Variants in PRSS12 observed in about 807,000 individuals in gnomAD.
PRSS12 encodes serine protease 12, also known as neurotrypsin.
Under a neutral mutation model 104.4 loss-of-function variants are expected in PRSS12, and 85 were observed. The ratio of observed to expected loss-of-function variants is 0.81; its 90% CI spans 0.68 to 0.98. The LOEUF (loss-of-function observed/expected upper bound fraction) is 0.98, where lower values mean the gene tolerates loss of function less well. Among genes scored for constraint, PRSS12 ranks in the 50% least tolerant of loss-of-function variants. PRSS12 has a pLI of 0.00. For missense variants in PRSS12, 1,141 were observed against 1,139.2 expected (o/e 1.00, Z -0.02); for synonymous variants, 454 against 425.2 (o/e 1.07, Z -0.83).
chr4:118,301,774 A>G (rs1204326163), intron 8 of PRSS12, among the ~76,000 whole-genome samples: 4 of 152,170 alleles, frequency 2.6e-5, no homozygotes, highest in Non-Finnish European at 5.9e-5. Flanking sequence ...TCCCACAGGC[A>G]GACGATTGCC....
chr4:118,282,280 A>T (rs751597442), intron 12 of PRSS12, 37 bp from the exon 13 acceptor site: 2 of 1,610,768 alleles, frequency 1.2e-6, no homozygotes, highest in Non-Finnish European at 1.7e-6. Flanking sequence ...GGCATTCCAG[A>T]TAACCATCGC....
Position 118,282,984 on chromosome 4 carries a change from T to A in PRSS12, c.2167A>T (p.Ser723Cys), listed in dbSNP as rs1224137984. 1 of 1,614,076 alleles carries A rather than the reference T, an allele frequency of 6.2e-7. No individual in the cohort carries two copies. The highest frequency in any genetic ancestry group is 8.5e-7 in the Non-Finnish European group (1 of 1,180,038). ...CTAACCAGGGCTATGTCATAATCAC[T>A]GCGGTCGGGTCGATACTCCCGATGA... ...VIHREYRPDR[S>C]DYDIALVRLQ... Residue 723 changes from serine (S) to cysteine (C), a missense_variant, in exon 12 of 13, where the codon AGT becomes TGT. Ser to Cys is a moderately radical substitution (Grantham distance 112, BLOSUM62 -1). Coordinates refer to ENST00000296498, the MANE Select transcript of PRSS12 (RefSeq NM_003619.4).
At chr4:118,316,845 T>TAC in intron 5 of PRSS12, among the ~76,000 whole-genome samples, 2 of 141,046 alleles carry the variant, frequency 1.4e-5, no homozygotes, top group African/African-American at 5.1e-5. Context: ...AAAATATATA[T>TAC]ATATATATAT....
chr4:118,316,837 A>AAAAAATATATATATATATAT (rs35698159), intron 5 of PRSS12, among the ~76,000 whole-genome samples: 125 of 99,130 alleles, frequency 1.3e-3, no homozygotes, highest in African/African-American at 3.7e-3. Flanking sequence ...AAAAAAAAAA[A>AAAAAATATATATATATATAT]ATATATATAT....
In PRSS12 at chr4:118,280,547, CT is replaced by C. The variant is rs1742817110; in HGVS notation, c.*1388del. The C allele has an allele frequency of 2.6e-5, 4 of 152,214 alleles. No individual in the cohort carries two copies. The highest frequency in any genetic ancestry group is 9.7e-5 in the African/African-American group (4 of 41,450). The allele number at this position is 152,214 out of a possible 1,614,324, so 9.4% of individuals were successfully genotyped here. ...TAATTTGATGTAGAAGGGCAAAGTC[CT>C]TTAATGACTGGCATTCAAGAGGATT... is the stretch of plus-strand genomic sequence containing the variant. On this transcript the variant is annotated 3_prime_UTR_variant, in exon 13 of 13. Transcript: ENST00000296498.
At chr4:118,336,352 A>G (rs1212882234) in intron 2 of PRSS12, among the ~76,000 whole-genome samples, 2 of 151,668 alleles carry the variant, frequency 1.3e-5, no homozygotes, top group African/African-American at 4.8e-5. Context: ...TCTAATCCAC[A>G]TATTTTTGTA....
chr4:118,341,473 G>A (rs1724207055), intron 1 of PRSS12, among the ~76,000 whole-genome samples: 1 of 152,004 alleles, frequency 6.6e-6, no homozygotes. Context: ...ACCTGAGATT[G>A]AGAGTTCGAG....
In PRSS12 at chr4:118,315,609, C is replaced by G. The variant is rs17516344; in HGVS notation, c.1292+573G>C. Among the ~76,000 whole-genome samples, 649 of 152,250 alleles carry G rather than the reference C, an allele frequency of 4.3e-3. 1 individual carries two copies. Among genetic ancestry groups the G allele is most frequent in the Middle Eastern group, 0.01 (3 of 294 alleles). On this transcript the variant is annotated intron_variant, in intron 6 of 12. Transcript: ENST00000296498. ...CATCATTTGCAGTTACTTCGACCAA[C>G]TTAAGTCTTTACTCTGGAATGCATT...
rs142282238 is a variant in PRSS12, at chr4:118,348,009, C to T, written c.502+4210G>A. Among the ~76,000 whole-genome samples, 405 of 152,214 alleles carry T rather than the reference C, an allele frequency of 2.7e-3. 2 individuals are homozygous for T. Among genetic ancestry groups the T allele is most frequent in the African/African-American group, 9.3e-3 (385 of 41,542 alleles). ...CTCTGGGAGGCCAAGGCGGGAGAAT[C>T]ACTTGAGCCCAGGAGTTGGAGACCA... On this transcript the variant is annotated intron_variant, in intron 1 of 12. Coordinates refer to ENST00000296498, the MANE Select transcript of PRSS12 (RefSeq NM_003619.4).
At chr4:118,342,163 A>G (rs975442616) in intron 1 of PRSS12, among the ~76,000 whole-genome samples, 3 of 152,204 alleles carry the variant, frequency 2.0e-5, no homozygotes, top group African/African-American at 4.8e-5. Context: ...ATGTATAGGT[A>G]CACAATTACA....
chr4:118,284,652 G>C (rs1742973827), intron 11 of PRSS12, among the ~76,000 whole-genome samples: 1 of 151,906 alleles, frequency 6.6e-6, no homozygotes, highest in African/African-American at 2.4e-5. Flanking sequence ...CTATCCTTTG[G>C]CCCTACTATT....
At chr4:118,338,038 A>T in intron 2 of PRSS12, 138 bp downstream of exon 2, 1 of 1,126,542 alleles carries the variant, frequency 8.9e-7, no homozygotes, top group Non-Finnish European at 1.3e-6. Context: ...CCCTTTCTTT[A>T]TAGCTCTTTT....
Position 118,294,951 on chromosome 4 carries a change from T to C in PRSS12, c.2027A>G (p.His676Arg), listed in dbSNP as rs1212366315. 2.5e-6 allele frequency: 4 copies of C among 1,614,080 alleles called. No individual in the cohort carries two copies. Among genetic ancestry groups the C allele is most frequent in the Admixed American group, 1.7e-5 (1 of 60,010 alleles). The change falls in exon 11 of 13, where the codon CAC becomes CGC. Residue 676 changes from histidine (H) to arginine (R), a missense_variant. By Grantham distance (29) the His-to-Arg change is conservative. Coordinates refer to ENST00000296498, the MANE Select transcript of PRSS12 (RefSeq NM_003619.4). Reference protein sequence around the residue: ...LSSCWVLTAAHCFKRYGNSTR... With the variant: ...LSSCWVLTAARCFKRYGNSTR... ...GGTGGACACATACCTCTTGAAACAG[T>C]GTGCTGCTGTGAGGACCCAGCAGCT...
Position 118,281,129 on chromosome 4 carries a change from C to T in PRSS12, c.*807G>A, listed in dbSNP as rs17516164. On this transcript the variant is annotated 3_prime_UTR_variant, in exon 13 of 13. Transcript: ENST00000296498. Reference sequence around the variant, plus strand: ...GTGGGTGGCACTCTTACATCATGGTCGGGGAACGTGGACTATGATGAGGTG... The same window carrying T: ...GTGGGTGGCACTCTTACATCATGGTTGGGGAACGTGGACTATGATGAGGTG... 0.061 allele frequency: 9,303 copies of T among 152,172 alleles called. 385 individuals are homozygous for T. The highest frequency in any genetic ancestry group is 0.092 in the Non-Finnish European group (6,288 of 68,012). 9.4% of individuals were successfully genotyped at this position (152,172 alleles called of 1,614,324 possible).
chr4:118,338,647 G>T (rs1724121428), intron 1 of PRSS12, among the ~76,000 whole-genome samples: 1 of 152,096 alleles, frequency 6.6e-6, no homozygotes. Context: ...AAAAGTGGAA[G>T]AATGACTAAT....
chr4:118,349,860 G>A (rs1403369543), intron 1 of PRSS12, among the ~76,000 whole-genome samples: 6 of 152,052 alleles, frequency 3.9e-5, no homozygotes, highest in South Asian at 2.1e-4. Flanking sequence ...AAAATTAGCC[G>A]GGCGTGGTGG....
In PRSS12 at chr4:118,352,242, C is replaced by CA. The variant is rs775755573; in HGVS notation, c.478dup (p.Trp160LeufsTer19). 9 of 1,611,982 alleles carry CA rather than the reference C, an allele frequency of 5.6e-6. No individual in the cohort carries two copies. The Admixed American group carries it at 8.3e-5, about 15-fold the overall frequency. On this transcript the variant is annotated frameshift_variant, in exon 1 of 13. Transcript: ENST00000296498. LOFTEE classifies it high-confidence loss of function. ...ACCGTGTCTGCAGTCGCAGTAGCCC[C>CA]AGTCCACCTTGCCACGGGCGTCTCC... is the stretch of plus-strand genomic sequence containing the variant.
In PRSS12 at chr4:118,293,018, A is replaced by AAAT. The variant is rs532587679; in HGVS notation, c.2039+1918_2039+1920dup. Among the ~76,000 whole-genome samples, 1,018 of 151,372 alleles carry AAAT rather than the reference A, an allele frequency of 6.7e-3. 10 individuals carry two copies. Among genetic ancestry groups the AAAT allele is most frequent in the African/African-American group, 0.023 (946 of 41,312 alleles). On this transcript the variant is annotated intron_variant, in intron 11 of 12. Coordinates refer to ENST00000296498, the MANE Select transcript of PRSS12 (RefSeq NM_003619.4). Reference sequence around the variant, plus strand: ...CAACAAAGTGAGACTCCATCTCAAAAAATAATAATAATAATAATAAATAAA... The same window carrying AAAT: ...CAACAAAGTGAGACTCCATCTCAAAAAATAATAATAATAATAATAATAAATAAA...
At chr4:118,338,410 A>G in intron 1 of PRSS12, 96 bp from the exon 2 acceptor site, 9 of 1,463,156 alleles carry the variant, frequency 6.2e-6, no homozygotes, top group East Asian at 2.4e-5. Flanking sequence ...AAACTTAAGT[A>G]GTAAGGGATC....
Sources: gnomAD v4.1 joint callset for allele counts (sites outside exome capture counted in the v4.1 genomes callset) on GRCh38, gnomAD v4.1.1 for gene constraint, MANE v1.5 for transcripts, NCBI Gene and HGNC (gene_info 2026-07-23, HGNC 2026-07-21) for gene names.